Variants in ENOX1 observed in about 807,000 individuals in gnomAD.
The protein encoded by ENOX1 is candidate growth-related and time keeping constitutive hydroquinone (NADH) oxidase.
A neutral mutation model predicts 82.5 loss-of-function variants in ENOX1; 42 were observed. That is an observed-to-expected ratio of 0.51 (90% CI 0.40 to 0.66). ENOX1 has a LOEUF of 0.66. Ranked by LOEUF, ENOX1 falls within the 30% of genes least tolerant of loss-of-function variation. The pLI, the probability that ENOX1 is intolerant of heterozygous loss-of-function variation, is 0.00. For missense variants in ENOX1, 608 were observed against 811.6 expected (o/e 0.75, Z 3.05); for synonymous variants, 271 against 282.2 (o/e 0.96, Z 0.40).
chr13:43,378,795 C>T (rs1260518221), intron 5 of ENOX1, among the ~76,000 whole-genome samples: 1 of 152,090 alleles, frequency 6.6e-6, no homozygotes, highest in African/African-American at 2.4e-5. Context: ...TTAAAAATTA[C>T]CAGGTATGAC....
chr13:43,731,328 C>G (rs2089328287), intron 1 of ENOX1, among the ~76,000 whole-genome samples: 1 of 152,190 alleles, frequency 6.6e-6, no homozygotes, highest in African/African-American at 2.4e-5. Context: ...ATTTTCTGGA[C>G]TGAATTATTC....
At chr13:43,452,180 G>C (rs1336848746) in intron 3 of ENOX1, among the ~76,000 whole-genome samples, 1 of 152,006 alleles carries the variant, frequency 6.6e-6, no homozygotes, top group African/African-American at 2.4e-5. Context: ...GTGCAGGTTT[G>C]TTACACAGGT....
intron 11 of ENOX1, among the ~76,000 whole-genome samples, chr13:43,318,770 C>A (rs1375651675): frequency 6.6e-6 from 1 of 152,218 alleles, no homozygotes; most frequent in African/African-American, 2.4e-5. Context: ...GCAGAGTTAA[C>A]ATTTATTGAG....
intron 9 of ENOX1, among the ~76,000 whole-genome samples, chr13:43,331,796 GGT>G (rs1424325718): frequency 6.6e-6 from 1 of 152,112 alleles, no homozygotes; most frequent in African/African-American, 2.4e-5. Flanking sequence ...AGGGAGAAGC[GGT>G]ATGTGTCGGA....
chr13:43,483,186 T>C (rs1397118026), intron 3 of ENOX1, among the ~76,000 whole-genome samples: 1 of 152,222 alleles, frequency 6.6e-6, no homozygotes, highest in Non-Finnish European at 1.5e-5. Context: ...ACTGTGTTCC[T>C]TCTCCTTTGC....
rs1293452630 is a variant in ENOX1, at chr13:43,786,278, C to CGGGTGCG, written c.-285+367_-285+373dup. Among the ~76,000 whole-genome samples the CGGGTGCG allele has an allele frequency of 2.0e-5, 3 of 152,130 alleles. No homozygotes were observed. Among genetic ancestry groups the CGGGTGCG allele is most frequent in the East Asian group, 3.9e-4 (2 of 5,168 alleles). On this transcript the variant is annotated intron_variant, in intron 1 of 16. Coordinates refer to ENST00000690772, the MANE Select transcript of ENOX1 (RefSeq NM_001347969.2). The surrounding 1 kb of genome is among the most constrained non-coding windows in gnomAD (Gnocchi z 6.0). ...CGGGGGCGACGCCCGCAGGGGGAGA[C>CGGGTGCG]GGGTGCGGGGTGCGCTGTCCAAGGT... is the stretch of plus-strand genomic sequence containing the variant.
rs1566305392 is a variant in ENOX1, at chr13:43,470,281, T to TAC, written c.-75+13726_-75+13727dup. Among the ~76,000 whole-genome samples, 7 of 51,424 alleles carry TAC rather than the reference T, an allele frequency of 1.4e-4. No individual in the cohort carries two copies. In the South Asian group the frequency reaches 2.4e-3, roughly 18 times the overall value. 33.7% of individuals were successfully genotyped at this position (51,424 alleles called of 152,430 possible). On this transcript the variant is annotated intron_variant, in intron 3 of 16. Coordinates refer to ENST00000690772, the MANE Select transcript of ENOX1 (RefSeq NM_001347969.2). ...ATATACATATATATACACATATATA[T>TAC]ACATATATATATACACATATATATA...
intron 9 of ENOX1, among the ~76,000 whole-genome samples, chr13:43,338,923 G>C (rs974343011): frequency 1.3e-5 from 2 of 152,122 alleles, no homozygotes; most frequent in African/African-American, 4.8e-5. Context: ...CTGACCTCGT[G>C]ATCCGCCCGC....
chr13:43,422,021 T>C (rs2055007507), intron 3 of ENOX1, among the ~76,000 whole-genome samples: 2 of 151,914 alleles, frequency 1.3e-5, no homozygotes, highest in South Asian at 2.1e-4. Context: ...TTCCAGAATT[T>C]AGTCCCAAAG....
chr13:43,343,483 G>A (rs1055455972), intron 9 of ENOX1, among the ~76,000 whole-genome samples: 2 of 152,122 alleles, frequency 1.3e-5, no homozygotes, highest in African/African-American at 4.8e-5. Flanking sequence ...TTACATTTGG[G>A]AATTTGTTAT....
At chr13:43,455,428 ACC>A in intron 3 of ENOX1, among the ~76,000 whole-genome samples, 1 of 152,218 alleles carries the variant, frequency 6.6e-6, no homozygotes, top group African/African-American at 2.4e-5. Flanking sequence ...ATCTTTTCTT[ACC>A]CATCATTTTG....
chr13:43,316,930 G>A (rs1243761696), intron 11 of ENOX1, among the ~76,000 whole-genome samples: 1 of 152,164 alleles, frequency 6.6e-6, no homozygotes, highest in Non-Finnish European at 1.5e-5. Flanking sequence ...ACATTTCCTT[G>A]TTTGGCCCCC....
At chr13:43,249,407 A>G (rs187165745) in intron 14 of ENOX1, among the ~76,000 whole-genome samples, 3 of 152,310 alleles carry the variant, frequency 2.0e-5, no homozygotes, top group East Asian at 1.9e-4. Context: ...CTCCTCAACC[A>G]ATAAAACTAG....
At chr13:43,372,952 A>AG (rs1555247789) in intron 5 of ENOX1, among the ~76,000 whole-genome samples, 1 of 152,058 alleles carries the variant, frequency 6.6e-6, no homozygotes, top group Non-Finnish European at 1.5e-5. Flanking sequence ...CAAAAAAAAA[A>AG]GGACTAAAAA....
In ENOX1 at chr13:43,393,122, G is replaced by A. The variant is rs953848859; in HGVS notation, c.208+18794C>T. ...ATGACCAATAATAAGAGAAAATAAT[G>A]TGAAGCATTGTATTTTTTAATTGCT... On this transcript the variant is annotated intron_variant, in intron 5 of 16. Transcript: ENST00000690772. Among the ~76,000 whole-genome samples, 5 of 152,160 alleles carry A rather than the reference G, an allele frequency of 3.3e-5. 1 individual carries two copies. The highest frequency in any genetic ancestry group is 2.0e-4 in the Admixed American group (3 of 15,272).
chr13:43,330,465 T>G (rs2048354423), intron 9 of ENOX1, among the ~76,000 whole-genome samples: 1 of 152,178 alleles, frequency 6.6e-6, no homozygotes, highest in African/African-American at 2.4e-5. Context: ...TAAAGGGAAT[T>G]TTTTTTCTTT....
intron 2 of ENOX1, among the ~76,000 whole-genome samples, chr13:43,538,831 C>T (rs951030583): frequency 6.6e-6 from 1 of 151,894 alleles, no homozygotes; most frequent in Admixed American, 6.6e-5. Context: ...TCCTCCCCGC[C>T]CCTGCCCTTT....
intron 1 of ENOX1, among the ~76,000 whole-genome samples, chr13:43,715,754 C>T (rs936190012): frequency 1.3e-5 from 2 of 152,132 alleles, no homozygotes; most frequent in Admixed American, 6.5e-5. Flanking sequence ...TCCAGTTGAT[C>T]GCATCGGCTC....
intron 2 of ENOX1, among the ~76,000 whole-genome samples, chr13:43,646,424 G>A (rs1362014529): frequency 6.6e-6 from 1 of 152,220 alleles, no homozygotes; most frequent in Non-Finnish European, 1.5e-5. Context: ...GCTGTCACTT[G>A]TGCTCACGCA....
Sources: gnomAD v4.1 joint callset for allele counts (sites outside exome capture counted in the v4.1 genomes callset) on GRCh38, gnomAD v4.1.1 for gene constraint, Gnocchi (gnomAD v3.1) non-coding constraint, MANE v1.5 for transcripts, NCBI Gene and HGNC (gene_info 2026-07-23, HGNC 2026-07-21) for gene names.